Variants in NFASC observed in about 807,000 individuals in gnomAD.
NFASC encodes the protein neurofascin.
In NFASC, 43 loss-of-function variants were observed where a neutral mutation model predicts 147.5. That is an observed-to-expected ratio of 0.29 (90% CI 0.23 to 0.38). The LOEUF (loss-of-function observed/expected upper bound fraction) is 0.38, where lower values mean the gene tolerates loss of function less well. Among genes scored for constraint, NFASC ranks in the 10% least tolerant of loss-of-function variants. The pLI, the probability that NFASC is intolerant of heterozygous loss-of-function variation, is 1.00. For synonymous variants in NFASC, 622 were observed against 665.5 expected, an observed-to-expected ratio of 0.93 and a Z score of 1.01; for missense variants, 1,320 against 1,689.0, an observed-to-expected ratio of 0.78 and a Z score of 3.83.
chr1:204,855,169 G>A (rs940438085), intron 1 of NFASC, among the ~76,000 whole-genome samples: 2 of 152,254 alleles, frequency 1.3e-5, no homozygotes, highest in Non-Finnish European at 2.9e-5. Context: ...CAGAGCTGCT[G>A]CATTAGTGTA....
Position 204,908,504 on chromosome 1 carries a change from A to C in NFASC, c.-199-12128A>C, listed in dbSNP as rs1354581845. Among the ~76,000 whole-genome samples, 3 of 152,224 alleles carry C rather than the reference A, an allele frequency of 2.0e-5. No homozygotes were observed. The East Asian group carries it at 5.8e-4, about 29-fold the overall frequency. ...AAGAATCAACTGAAAAACTCTTTTTAATCAAACTTTTTTTTTGAGGGTATT... is the reference window on the plus strand; with the variant it reads ...AAGAATCAACTGAAAAACTCTTTTTCATCAAACTTTTTTTTTGAGGGTATT... On this transcript the variant is annotated intron_variant, in intron 1 of 29. Transcript: ENST00000339876.
At chr1:204,970,943 C>T (rs1382161004) in intron 11 of NFASC, among the ~76,000 whole-genome samples, 196 bp downstream of exon 11, 4 of 152,172 alleles carry the variant, frequency 2.6e-5, no homozygotes, top group African/African-American at 7.2e-5. Flanking sequence ...TGTGAGAGAA[C>T]AGGAGGCCTG....
intron 24 of NFASC, among the ~76,000 whole-genome samples, chr1:204,994,448 C>T (rs998251967): frequency 6.6e-6 from 1 of 152,164 alleles, no homozygotes; most frequent in Non-Finnish European, 1.5e-5. Flanking sequence ...GAAGTGTGTG[C>T]CCCCAGCTAT....
chr1:204,861,512 C>T (rs982790163), intron 1 of NFASC, among the ~76,000 whole-genome samples: 11 of 151,948 alleles, frequency 7.2e-5, no homozygotes, highest in Middle Eastern at 6.3e-3. Context: ...TTTTTTGAGA[C>T]GGAGTCTCGC....
At position 205,002,377 on chromosome 1, in the gene NFASC, G is replaced by A. The variant is rs144302873; in HGVS notation, c.3137-219G>A. ...GAAAGCGAACTTCAGGAGAGGGAAC[G>A]GTGTCCCCAGCTGAAGGGTCGTTTA... On this transcript the variant is annotated intron_variant, in intron 26 of 29. Coordinates refer to ENST00000339876, the MANE Select transcript of NFASC (RefSeq NM_001005388.3). 7.1e-3 allele frequency among the ~76,000 whole-genome samples: 1,078 copies of A among 152,294 alleles called. 13 individuals carry two copies. The highest frequency in any genetic ancestry group is 0.024 in the African/African-American group (1,018 of 41,564).
At position 204,997,366 on chromosome 1, in the gene NFASC, T is replaced by C. The variant is rs1215658482; in HGVS notation, c.2979T>C (p.Ser993=). The C allele has an allele frequency of 1.9e-6, 3 of 1,553,124 alleles. No individual in the cohort carries two copies. Among genetic ancestry groups the C allele is most frequent in the Non-Finnish European group, 2.6e-6 (3 of 1,148,240 alleles). ...TTAAATTTTE[S]PPTTTSGTKI... is the part of the protein sequence containing the mutation. ...CTGCCGCCACCACCACCACGGAGAGTCCTCCCACCACCACCTCCGGGACTA... is the reference window on the plus strand; with the variant it reads ...CTGCCGCCACCACCACCACGGAGAGCCCTCCCACCACCACCTCCGGGACTA... Residue 993 remains serine (S), a synonymous_variant, in exon 25 of 30, where the codon AGT becomes AGC. Transcript: ENST00000339876.
intron 27 of NFASC, among the ~76,000 whole-genome samples, chr1:205,005,534 G>C (rs2096087360): frequency 6.6e-6 from 1 of 152,214 alleles, no homozygotes; most frequent in Non-Finnish European, 1.5e-5. Context: ...CCTGGTCTTT[G>C]CACACAGATA....
chr1:205,004,598 T>A (rs115114675), intron 27 of NFASC, among the ~76,000 whole-genome samples: 1 of 152,364 alleles, frequency 6.6e-6, no homozygotes, highest in Non-Finnish European at 1.5e-5. Flanking sequence ...GTATTTTCAC[T>A]TTCTGAAGTC....
At position 204,987,204 on chromosome 1, in the gene NFASC, CTA is replaced by C. The variant is rs1425077657; in HGVS notation, c.2471-212_2471-211del. 1.7e-6 allele frequency: 1 copy of C among 573,776 alleles called. No individual in the cohort carries two copies. Among genetic ancestry groups the C allele is most frequent in the Non-Finnish European group, 3.1e-6 (1 of 322,768 alleles). The allele number at this position is 573,776 out of a possible 1,614,324, so 35.5% of individuals were successfully genotyped here. ...CCTCTCTTAAATAGCAGAGTCTGAG[CTA>C]TGTTTGTCCTCAGACCTGAAGGAAA... is the stretch of plus-strand genomic sequence containing the variant. On this transcript the variant is annotated intron_variant, in intron 21 of 29. Transcript: ENST00000339876. This position sits in a 1 kb window ranked among gnomAD's most constrained non-coding sequence, Gnocchi z 4.4.
intron 1 of NFASC, among the ~76,000 whole-genome samples, chr1:204,857,174 T>C (rs1572093971): frequency 6.6e-6 from 1 of 152,220 alleles, no homozygotes; most frequent in Admixed American, 6.5e-5. Flanking sequence ...TTTCCCCTCC[T>C]CTTCCTTGCT....
At chr1:204,918,584 C>CT (rs71147720) in intron 1 of NFASC, among the ~76,000 whole-genome samples, 59,483 of 124,782 alleles carry the variant, frequency 0.48, 14,813 homozygotes, top group South Asian at 0.58. Flanking sequence ...TTCTTTGAAA[C>CT]TTTTTTTTTT....
At chr1:204,852,906 AAGAG>A (rs1374354094) in intron 1 of NFASC, among the ~76,000 whole-genome samples, 4 of 152,158 alleles carry the variant, frequency 2.6e-5, no homozygotes, top group Non-Finnish European at 5.9e-5. Context: ...TGACCTTTGA[AAGAG>A]AGGCTGACGG....
chr1:204,844,894 G>A (rs1676495550), intron 1 of NFASC, among the ~76,000 whole-genome samples: 1 of 152,148 alleles, frequency 6.6e-6, no homozygotes, highest in Non-Finnish European at 1.5e-5. Flanking sequence ...AGGGAGAGTT[G>A]TGTGTCTGTT....
intron 2 of NFASC, among the ~76,000 whole-genome samples, chr1:204,921,007 A>G (rs1254623939): frequency 2.0e-5 from 3 of 152,184 alleles, no homozygotes; most frequent in Non-Finnish European, 4.4e-5. Context: ...TAGCGCTGGC[A>G]TTGTCCCAAT....
chr1:205,018,921 C>T lies in NFASC; in HGVS notation c.*2382C>T, dbSNP rs911734361. ...TAAGGGTCTTGGGGAGAAGTAAGCC[C>T]GCAGCCTGCCTCTGCACCTCGTTCC... On this transcript the variant is annotated 3_prime_UTR_variant, in exon 30 of 30. Coordinates refer to ENST00000339876, the MANE Select transcript of NFASC (RefSeq NM_001005388.3). 3.9e-5 allele frequency: 6 copies of T among 152,324 alleles called. No homozygotes were observed. Among genetic ancestry groups the T allele is most frequent in the South Asian group, 4.1e-4 (2 of 4,828 alleles). 9.4% of individuals were successfully genotyped at this position (152,324 alleles called of 1,614,324 possible).
At chr1:204,914,424 C>T (rs1441100698) in intron 1 of NFASC, among the ~76,000 whole-genome samples, 1 of 152,180 alleles carries the variant, frequency 6.6e-6, no homozygotes, top group Non-Finnish European at 1.5e-5. Flanking sequence ...GTCTCTCCTG[C>T]CACCATGTGA....
intron 1 of NFASC, among the ~76,000 whole-genome samples, chr1:204,894,148 T>C (rs2082946281): frequency 6.6e-6 from 1 of 152,242 alleles, no homozygotes; most frequent in Non-Finnish European, 1.5e-5. Context: ...GAATAAGATA[T>C]CAGGCCTCTG....
chr1:204,954,288 G>A lies in NFASC; in HGVS notation c.316G>A (p.Gly106Ser). ...GACCCTGGTGATTGACTTCCGCAGT[G>A]GCGGGCGGCCGGAGGAATATGAGGG... ...SGTLVIDFRS[G>S]GRPEEYEGEY... The change falls in exon 6 of 30, where the codon GGC (glycine) becomes AGC (serine). Residue 106 changes from glycine to serine, a missense_variant. Gly to Ser is a moderately conservative substitution (Grantham distance 56). This residue lies in a region of NFASC where 981 missense variants were observed against 1,289.5 expected (regional missense o/e 0.76). Coordinates refer to ENST00000339876, the MANE Select transcript of NFASC (RefSeq NM_001005388.3). This position sits in a 1 kb window ranked among gnomAD's most constrained non-coding sequence, Gnocchi z 5.7. 1.2e-6 allele frequency: 2 copies of A among 1,614,214 alleles called. 1 individual carries two copies. Among genetic ancestry groups the A allele is most frequent in the South Asian group, 2.2e-5 (2 of 91,088 alleles).
At chr1:204,972,419 A>G (rs1377708360) in intron 11 of NFASC, among the ~76,000 whole-genome samples, 1 of 152,002 alleles carries the variant, frequency 6.6e-6, no homozygotes, top group Admixed American at 6.5e-5. Context: ...AGTAGGGGAA[A>G]GGTGGAAGTG....
Sources: gnomAD v4.1 joint callset for allele counts (sites outside exome capture counted in the v4.1 genomes callset) on GRCh38, gnomAD v4.1.1 for gene constraint, gnomAD v4.1.1 regional missense constraint, Gnocchi (gnomAD v3.1) non-coding constraint, MANE v1.5 for transcripts, NCBI Gene and HGNC (gene_info 2026-07-23, HGNC 2026-07-21) for gene names.